Variants in CASQ2 observed in about 807,000 individuals in gnomAD.
CASQ2 encodes calsequestrin-2.
A neutral mutation model predicts 46.5 loss-of-function variants in CASQ2; 49 were observed. The observed-to-expected ratio is 1.05, with a 90% CI of 0.84 to 1.34. CASQ2 has a LOEUF of 1.34. Among genes scored for constraint, CASQ2 ranks in the 40% most tolerant of loss-of-function variants. The pLI, the probability that CASQ2 is intolerant of heterozygous loss-of-function variation, is 0.00. For synonymous variants in CASQ2, 174 were observed against 168.5 expected (o/e 1.03, Z -0.25); for missense variants, 486 against 481.3 (o/e 1.01, Z -0.09).
At chr1:115,759,636 AAGATGAATAT>A (rs776391788) in intron 1 of CASQ2, among the ~76,000 whole-genome samples, 3 of 152,258 alleles carry the variant, frequency 2.0e-5, no homozygotes, top group Non-Finnish European at 4.4e-5. Context: ...GTAAGTAAGT[AAGATGAATAT>A]TTCATGAATA....
Position 115,716,713 on chromosome 1 carries a change from G to A in CASQ2, c.838+1127C>T, listed in dbSNP as rs996639277. ...CAACTGGAGAAAAAAATAAAATCCC[G>A]CTAGGCTTCCCACACCATCGGCAGC... On this transcript the variant is annotated intron_variant, in intron 8 of 10. Transcript: ENST00000261448. Among the ~76,000 whole-genome samples, 7 of 152,220 alleles carry A rather than the reference G, an allele frequency of 4.6e-5. No individual in the cohort carries two copies. In the Middle Eastern group the frequency reaches 0.01, roughly 222 times the overall value.
intron 2 of CASQ2, among the ~76,000 whole-genome samples, chr1:115,743,256 G>T (rs1051838907): frequency 4.7e-5 from 7 of 149,522 alleles, no homozygotes; most frequent in Non-Finnish European, 7.4e-5. Context: ...TTTATTTTGA[G>T]ACAGAATCTC....
At chr1:115,756,042 CAGTT>C (rs1466965857) in intron 1 of CASQ2, among the ~76,000 whole-genome samples, 4 of 152,198 alleles carry the variant, frequency 2.6e-5, no homozygotes, top group Admixed American at 6.5e-5. Flanking sequence ...GTCGGGCTAA[CAGTT>C]AGATATCCGA....
chr1:115,745,517 C>T (rs947069217), intron 1 of CASQ2, among the ~76,000 whole-genome samples: 2 of 152,028 alleles, frequency 1.3e-5, no homozygotes, highest in Non-Finnish European at 2.9e-5. Context: ...CAGCAGTGTC[C>T]TAGATGGACA....
At chr1:115,753,971 A>C (rs1485959000) in intron 1 of CASQ2, among the ~76,000 whole-genome samples, 1 of 152,126 alleles carries the variant, frequency 6.6e-6, no homozygotes, top group Non-Finnish European at 1.5e-5. Flanking sequence ...AGTCATTAAA[A>C]ACACCCTGGC....
intron 1 of CASQ2, among the ~76,000 whole-genome samples, chr1:115,766,423 CA>C (rs1465502315): frequency 2.0e-5 from 3 of 152,216 alleles, no homozygotes; most frequent in Non-Finnish European, 4.4e-5. Flanking sequence ...CAAGCTAACA[CA>C]TACCAAGTGC....
chr1:115,740,906 A>T (rs1648154659), intron 2 of CASQ2, 78 bp from the exon 3 acceptor site: 2 of 956,892 alleles, frequency 2.1e-6, no homozygotes, highest in Non-Finnish European at 3.4e-6. Context: ...GGTCTGGCTG[A>T]GGGTTTCTGG....
At chr1:115,766,581 G>A (rs531222977) in intron 1 of CASQ2, among the ~76,000 whole-genome samples, 8 of 152,122 alleles carry the variant, frequency 5.3e-5, no homozygotes, top group Non-Finnish European at 1.2e-4. Context: ...CCTGTGTCCT[G>A]TGCCTAGTAG....
In CASQ2 at chr1:115,706,195, C is replaced by CGT. The variant is rs369753638; in HGVS notation, c.839-905_839-904dup. On this transcript the variant is annotated intron_variant, in intron 8 of 10. Transcript: ENST00000261448. ...GCGTGCGTGTGTGTATGTGTGTGTG[C>CGT]GTGTGTGTGTGCACGCGTGCATGTG... Among the ~76,000 whole-genome samples, 662 of 151,532 alleles carry CGT rather than the reference C, an allele frequency of 4.4e-3. 4 individuals carry two copies. The highest frequency in any genetic ancestry group is 0.015 in the African/African-American group (635 of 41,306).
intron 1 of CASQ2, among the ~76,000 whole-genome samples, chr1:115,746,606 C>G (rs4576660): frequency 0.71 from 108,134 of 152,074 alleles, 42,161 homozygotes; most frequent in Non-Finnish European, 0.88. Context: ...TTTTAAATGT[C>G]CTGATTTGCC....
At chr1:115,736,563 G>A (rs1461030126) in intron 4 of CASQ2, among the ~76,000 whole-genome samples, 1 of 152,038 alleles carries the variant, frequency 6.6e-6, no homozygotes, top group African/African-American at 2.4e-5. Flanking sequence ...CTTGAACCCA[G>A]GAGGCAGAGG....
chr1:115,716,348 C>T (rs1033891993), intron 8 of CASQ2, among the ~76,000 whole-genome samples: 2 of 152,212 alleles, frequency 1.3e-5, no homozygotes, highest in Non-Finnish European at 2.9e-5. Flanking sequence ...TCATCTTGCA[C>T]TTTCAAAATA....
chr1:115,702,760 G>T lies in CASQ2; in HGVS notation c.1014+161C>A, dbSNP rs3934652. Among the ~76,000 whole-genome samples, 20,053 of 152,246 alleles carry T rather than the reference G, an allele frequency of 0.13. 1,682 individuals carry two copies. Among genetic ancestry groups the T allele is most frequent in the East Asian group, 0.25 (1,283 of 5,174 alleles). ...TGGAACCACAGATTGGGACTGGCTC[G>T]GAGACCAGGCGTGGAACACACTGGC... On this transcript the variant is annotated intron_variant, in intron 10 of 10. Coordinates refer to ENST00000261448, the MANE Select transcript of CASQ2 (RefSeq NM_001232.4).
In CASQ2 at chr1:115,716,638, G is replaced by A. The variant is rs973168412; in HGVS notation, c.838+1202C>T. Reference sequence around the variant, plus strand: ...TACCTTTCTATGTTTGGGCAGCAAAGCAGAATGTTTGAGGTTCTTGAAAGC... The same window carrying A: ...TACCTTTCTATGTTTGGGCAGCAAAACAGAATGTTTGAGGTTCTTGAAAGC... On this transcript the variant is annotated intron_variant, in intron 8 of 10. Coordinates refer to ENST00000261448, the MANE Select transcript of CASQ2 (RefSeq NM_001232.4). 2.6e-5 allele frequency among the ~76,000 whole-genome samples: 4 copies of A among 152,148 alleles called. No individual in the cohort carries two copies. The East Asian group carries it at 7.7e-4, about 29-fold the overall frequency.
intron 8 of CASQ2, among the ~76,000 whole-genome samples, chr1:115,708,901 GC>G (rs1302973874): frequency 1.3e-5 from 2 of 152,208 alleles, no homozygotes; most frequent in Non-Finnish European, 2.9e-5. Context: ...AGCTCCTGTT[GC>G]CGATTCTGTG....
intron 4 of CASQ2, among the ~76,000 whole-genome samples, chr1:115,733,674 G>T (rs922210681): frequency 1.3e-5 from 2 of 152,132 alleles, no homozygotes; most frequent in Admixed American, 6.6e-5. Flanking sequence ...TTGGGAAAGA[G>T]ATTTGTCCTC....
At chr1:115,737,970 T>C (rs1269353887) in intron 4 of CASQ2, among the ~76,000 whole-genome samples, 1 of 152,210 alleles carries the variant, frequency 6.6e-6, no homozygotes. Flanking sequence ...AGAGCTTTTC[T>C]CTTTTTTGTA....
chr1:115,761,469 GAAGAAGAAGAAGAAGA>G (rs1648947319), intron 1 of CASQ2, among the ~76,000 whole-genome samples: 2 of 17,070 alleles, frequency 1.2e-4, no homozygotes, highest in Non-Finnish European at 2.7e-4. Context: ...AGAAGGAGAA[GAAGAAGAAGAAGAAGA>G]AGGAGAAGAA....
intron 8 of CASQ2, among the ~76,000 whole-genome samples, chr1:115,710,942 T>A (rs1344268272): frequency 6.6e-6 from 1 of 151,988 alleles, no homozygotes; most frequent in Non-Finnish European, 1.5e-5. Flanking sequence ...CAGGGACTGG[T>A]GGGAATGAGC....
Sources: gnomAD v4.1 joint callset for allele counts (sites outside exome capture counted in the v4.1 genomes callset) on GRCh38, gnomAD v4.1.1 for gene constraint, MANE v1.5 for transcripts, NCBI Gene and HGNC (gene_info 2026-07-23, HGNC 2026-07-21) for gene names.